The following GALNT13 variants were observed in gnomAD, a reference collection of about 807,000 sequenced individuals.
The protein encoded by GALNT13 is UDP-GalNAc:polypeptide N-acetylgalactosaminyltransferase 13.
A neutral mutation model predicts 64.2 loss-of-function variants in GALNT13; 28 were observed. The ratio of observed to expected loss-of-function variants is 0.44; its 90% confidence interval spans 0.32 to 0.60. The LOEUF (loss-of-function observed/expected upper bound fraction) is 0.60, where lower values mean the gene tolerates loss of function less well. GALNT13 is among the 20% of genes least tolerant of loss of function. The pLI is 0.05. For synonymous variants in GALNT13, 214 were observed against 224.6 expected (o/e 0.95, Z 0.42); for missense variants, 577 against 669.8 (o/e 0.86, Z 1.53).
chr2:154,336,423 T>G (rs1239088522), intron 9 of GALNT13, among the ~76,000 whole-genome samples: 1 of 152,054 alleles, frequency 6.6e-6, no homozygotes, highest in Non-Finnish European at 1.5e-5. Context: ...GGCTTCCAGC[T>G]CATTCATGAG....
chr2:154,103,891 T>C (rs923606941), intron 3 of GALNT13, among the ~76,000 whole-genome samples: 11 of 152,140 alleles, frequency 7.2e-5, no homozygotes, highest in Non-Finnish European at 1.0e-4. Context: ...TCTAGCATGA[T>C]TCCCTTCTGT....
the GALNT13 span, among the ~76,000 whole-genome samples, chr2:153,485,757 G>C: frequency 1.3e-5 from 2 of 152,012 alleles, no homozygotes; most frequent in East Asian, 3.9e-4. Flanking sequence ...GGCTTTAGCC[G>C]GGCATGGTGG....
the GALNT13 span, among the ~76,000 whole-genome samples, chr2:153,380,436 C>T: frequency 6.6e-6 from 1 of 151,964 alleles, no homozygotes; most frequent in Non-Finnish European, 1.5e-5. Context: ...TGCACAACTG[C>T]CCTCCATCCT....
At chr2:153,771,734 G>A in the GALNT13 span, among the ~76,000 whole-genome samples, 10 of 152,116 alleles carry the variant, frequency 6.6e-5, no homozygotes, top group African/African-American at 2.2e-4. Context: ...GTCATAAAGC[G>A]GAGAGGACTC....
At chr2:154,080,015 T>C (rs943134774) in intron 3 of GALNT13, among the ~76,000 whole-genome samples, 2 of 151,650 alleles carry the variant, frequency 1.3e-5, no homozygotes, top group African/African-American at 4.8e-5. Flanking sequence ...ATTGAACTTC[T>C]TCCACCCCTT....
At chr2:154,285,992 T>C (rs1692242680) in intron 8 of GALNT13, among the ~76,000 whole-genome samples, 1 of 152,236 alleles carries the variant, frequency 6.6e-6, no homozygotes, top group Admixed American at 6.5e-5. Context: ...CTTTTTAAGA[T>C]AGCTCATTAT....
rs116787808 is a variant in GALNT13 at position 154,213,588 on chromosome 2, A to G, written c.312-28442A>G. ...TGGGTATGAAGAATGAGTAAGAGAG[A>G]CAGAAGAGAATCCTGCTTAGAGAGT... On this transcript the variant is annotated intron_variant, in intron 4 of 12. Coordinates refer to ENST00000392825, the MANE Select transcript of GALNT13 (RefSeq NM_052917.4). Among the ~76,000 whole-genome samples the G allele has an allele frequency of 5.4e-3, 825 of 152,060 alleles. 4 individuals are homozygous for G. The highest frequency in any genetic ancestry group is 9.7e-3 in the Non-Finnish European group (661 of 67,982).
At chr2:153,353,832 T>G in the GALNT13 span, among the ~76,000 whole-genome samples, 1,513 of 152,288 alleles carry the variant, frequency 9.9e-3, 15 homozygotes, top group Non-Finnish European at 0.015. Context: ...TTTTGATATA[T>G]CTTTGGATTT....
intron 3 of GALNT13, among the ~76,000 whole-genome samples, chr2:153,998,558 G>A (rs562162699): frequency 6.6e-6 from 1 of 152,234 alleles, no homozygotes; most frequent in South Asian, 2.1e-4. Flanking sequence ...TTTGCCAGAT[G>A]GATAGATTGC....
chr2:153,466,633 T>C, the GALNT13 span, among the ~76,000 whole-genome samples: 2 of 152,158 alleles, frequency 1.3e-5, no homozygotes, highest in African/African-American at 4.8e-5. Flanking sequence ...ATCCTCAAAA[T>C]TCCATTGACT....
At chr2:154,397,399 A>G (rs995025503) in intron 10 of GALNT13, among the ~76,000 whole-genome samples, 1 of 152,204 alleles carries the variant, frequency 6.6e-6, no homozygotes, top group African/African-American at 2.4e-5. Flanking sequence ...AGATCGCGCC[A>G]TTGCACTCCA....
chr2:154,335,616 T>A (rs1695399568), intron 9 of GALNT13, among the ~76,000 whole-genome samples: 1 of 151,906 alleles, frequency 6.6e-6, no homozygotes, highest in South Asian at 2.1e-4. Flanking sequence ...TTCTTCTAGG[T>A]AGAGGAAAAA....
intron 2 of GALNT13, among the ~76,000 whole-genome samples, chr2:153,918,843 T>C (rs982328898): frequency 3.9e-5 from 6 of 152,286 alleles, no homozygotes; most frequent in Middle Eastern, 3.4e-3. Flanking sequence ...CATTATTAGC[T>C]ACACTGTAAC....
chr2:153,498,519 C>T, the GALNT13 span, among the ~76,000 whole-genome samples: 35 of 152,332 alleles, frequency 2.3e-4, no homozygotes, highest in Middle Eastern at 0.01. Context: ...TGTGGTGGGG[C>T]GGGCAGCTAC....
chr2:153,150,383 A>C, the GALNT13 span, among the ~76,000 whole-genome samples: 1 of 152,166 alleles, frequency 6.6e-6, no homozygotes, highest in South Asian at 2.1e-4. Flanking sequence ...GCCCTTTGTC[A>C]GTTGAGTAGA....
At chr2:153,484,758 A>G in the GALNT13 span, among the ~76,000 whole-genome samples, 1 of 152,184 alleles carries the variant, frequency 6.6e-6, no homozygotes, top group Non-Finnish European at 1.5e-5. Flanking sequence ...AATCTTCCAA[A>G]TGATTCAATA....
intron 2 of GALNT13, among the ~76,000 whole-genome samples, chr2:153,932,626 C>CTTTTTTTTTTT (rs34617568): frequency 3.1e-5 from 3 of 95,652 alleles, no homozygotes; most frequent in Non-Finnish European, 5.9e-5. Flanking sequence ...TTCTGTCTTT[C>CTTTTTTTTTTT]TTTTTTTTTT....
At chr2:153,201,229 A>T in the GALNT13 span, among the ~76,000 whole-genome samples, 26 of 152,282 alleles carry the variant, frequency 1.7e-4, 1 homozygote, top group South Asian at 4.4e-3. Flanking sequence ...TGTGGCAATC[A>T]AGTCCTCACC....
the GALNT13 span, among the ~76,000 whole-genome samples, chr2:153,084,660 G>T: frequency 6.6e-6 from 1 of 152,170 alleles, no homozygotes; most frequent in Non-Finnish European, 1.5e-5. Context: ...TGCACAAGCT[G>T]TCTTGTCTAC....
Sources: gnomAD v4.1 joint callset for allele counts (sites outside exome capture counted in the v4.1 genomes callset) on GRCh38, gnomAD v4.1.1 for gene constraint, MANE v1.5 for transcripts, NCBI Gene and HGNC (gene_info 2026-07-23, HGNC 2026-07-21) for gene names.